Variants in RSF1 observed in about 807,000 individuals in gnomAD.
RSF1 encodes remodeling and spacing factor 1.
In RSF1, 13 loss-of-function variants were observed where a neutral mutation model predicts 145.2. The observed-to-expected ratio is 0.09, with a 90% CI of 0.06 to 0.14. RSF1 has a LOEUF of 0.14. Among genes scored for constraint, RSF1 ranks in the 10% least tolerant of loss-of-function variants. RSF1 has a pLI of 1.00. For synonymous variants in RSF1, 577 were observed against 592.6 expected, an observed-to-expected ratio of 0.97 and a Z score of 0.38; for missense variants, 1,517 against 1,718.2, an observed-to-expected ratio of 0.88 and a Z score of 2.07.
intron 1 of RSF1, among the ~76,000 whole-genome samples, chr11:77,767,207 C>T (rs1053113763): frequency 6.6e-6 from 1 of 152,088 alleles, no homozygotes; most frequent in African/African-American, 2.4e-5. Context: ...GTTTTAAAAC[C>T]AAGGTCACTT....
chr11:77,802,016 T>C (rs1948631123), intron 1 of RSF1, among the ~76,000 whole-genome samples: 1 of 151,792 alleles, frequency 6.6e-6, no homozygotes, highest in African/African-American at 2.4e-5. Flanking sequence ...ATAATAATAA[T>C]AATAATCCCT....
intron 2 of RSF1, among the ~76,000 whole-genome samples, chr11:77,761,099 G>A (rs1476915249): frequency 6.6e-6 from 1 of 151,960 alleles, no homozygotes; most frequent in Non-Finnish European, 1.5e-5. Flanking sequence ...ACCACGCCCA[G>A]CTAATTTTTT....
the RSF1 span, among the ~76,000 whole-genome samples, chr11:77,852,545 C>A: frequency 6.6e-6 from 1 of 152,166 alleles, no homozygotes; most frequent in East Asian, 1.9e-4. Flanking sequence ...TCCTCCAACA[C>A]TGGGGATTAC....
At chr11:77,723,270 A>G (rs1164974958) in intron 5 of RSF1, among the ~76,000 whole-genome samples, 1 of 152,192 alleles carries the variant, frequency 6.6e-6, no homozygotes, top group Non-Finnish European at 1.5e-5. Flanking sequence ...AGCCTGGGCA[A>G]CAGAGCAAGA....
At chr11:77,745,512 T>TTC (rs1947990630) in intron 3 of RSF1, among the ~76,000 whole-genome samples, 1 of 151,988 alleles carries the variant, frequency 6.6e-6, no homozygotes, top group Non-Finnish European at 1.5e-5. Flanking sequence ...CTTTTGGATT[T>TTC]TTTTTTAACA....
chr11:77,692,880 G>A (rs556772649), intron 8 of RSF1, among the ~76,000 whole-genome samples: 68 of 150,496 alleles, frequency 4.5e-4, no homozygotes, highest in African/African-American at 1.6e-3. Flanking sequence ...GTTTCACCAT[G>A]TTGGCCAGGA....
the RSF1 span, chr11:77,868,783 G>A: frequency 2.1e-4 from 50 of 239,238 alleles, no homozygotes; most frequent in Admixed American, 5.9e-4. Flanking sequence ...TACACAGTGT[G>A]CTTCTCTGGG....
At chr11:77,681,277 G>A (rs1484719723) in intron 11 of RSF1, among the ~76,000 whole-genome samples, 1 of 152,060 alleles carries the variant, frequency 6.6e-6, no homozygotes, top group African/African-American at 2.4e-5. Context: ...GGTAAACTAT[G>A]TATTTTCATA....
chr11:77,740,675 C>T (rs1246083157), intron 4 of RSF1, 56 bp downstream of exon 4: 21 of 1,494,632 alleles, frequency 1.4e-5, no homozygotes, highest in East Asian at 2.3e-5. Flanking sequence ...AGTTTTGAAA[C>T]GAGATCAATG....
chr11:77,740,856 G>A lies in RSF1; in HGVS notation c.453C>T (p.Leu151=). 1 of 1,614,130 alleles carries A rather than the reference G, an allele frequency of 6.2e-7. No individual in the cohort carries two copies. Among genetic ancestry groups the A allele is most frequent in the Non-Finnish European group, 8.5e-7 (1 of 1,179,970 alleles). Residue 151 remains leucine (L), a synonymous_variant, in exon 4 of 16, where the codon CTC becomes CTT. Coordinates refer to ENST00000308488, the MANE Select transcript of RSF1 (RefSeq NM_016578.4). Reference sequence around the variant, plus strand: ...CATCTTTGTCTCGACCAATTGGCTGGAGACGCATAGTATCGGCATCCTCCT... The same window carrying A: ...CATCTTTGTCTCGACCAATTGGCTGAAGACGCATAGTATCGGCATCCTCCT... ...INEEDADTMR[L]QPIGRDKDGL...
At chr11:77,681,121 T>G (rs767046555) in intron 11 of RSF1, among the ~76,000 whole-genome samples, 3 of 152,356 alleles carry the variant, frequency 2.0e-5, no homozygotes, top group African/African-American at 7.2e-5. Context: ...ATATCCCAGA[T>G]GCAGAGCTTC....
chr11:77,823,059 A>G (rs1286258491), upstream of RSF1, among the ~76,000 whole-genome samples: 2 of 151,942 alleles, frequency 1.3e-5, no homozygotes, highest in Non-Finnish European at 2.9e-5. Context: ...CTAAAAATAC[A>G]AAAAATTAGC....
chr11:77,774,617 T>G (rs188098261), intron 1 of RSF1, among the ~76,000 whole-genome samples: 15 of 120,432 alleles, frequency 1.2e-4, no homozygotes, highest in African/African-American at 2.6e-4. Context: ...AATAAATAAA[T>G]AAAATAAAGA....
rs775327516 is a variant in RSF1 at position 77,674,985 on chromosome 11, A to G, written c.3562+51T>C. 3.4e-6 allele frequency: 5 copies of G among 1,467,028 alleles called. No individual in the cohort carries two copies. The Admixed American group carries it at 1.1e-4, about 32-fold the overall frequency. 90.9% of individuals were successfully genotyped at this position (1,467,028 alleles called of 1,614,324 possible). A position where few individuals can be genotyped will look rare whatever the true frequency, so the allele number is the denominator to read the frequency against. On this transcript the variant is annotated intron_variant, in intron 14 of 15. Coordinates refer to ENST00000308488, the MANE Select transcript of RSF1 (RefSeq NM_016578.4). ...TTGCACTCCAGCATGAGCAACAAGA[A>G]AAACAAAAAATAATTTATTGAGCTA...
intron 9 of RSF1, among the ~76,000 whole-genome samples, chr11:77,687,657 G>C (rs1960045891): frequency 6.6e-6 from 1 of 152,040 alleles, no homozygotes; most frequent in African/African-American, 2.4e-5. Context: ...CAGTTATCGT[G>C]CCACTGCACT....
In RSF1 at chr11:77,669,029, T is replaced by C. The variant is rs112229752; in HGVS notation, c.3752-1538A>G. 5.4e-4 allele frequency among the ~76,000 whole-genome samples: 82 copies of C among 152,342 alleles called. 1 individual carries two copies. The highest frequency in any genetic ancestry group is 1.9e-3 in the African/African-American group (80 of 41,588). ...GCATCTCAAATGATGTGTCTAAAAC[T>C]GGGCTCCTAAACTTTCTCCTTAAAC... is the stretch of plus-strand genomic sequence containing the variant. On this transcript the variant is annotated intron_variant, in intron 15 of 15. Transcript: ENST00000308488.
intron 2 of RSF1, among the ~76,000 whole-genome samples, chr11:77,753,481 ACTG>A (rs1948084708): frequency 6.6e-6 from 1 of 152,210 alleles, no homozygotes; most frequent in South Asian, 2.1e-4. Flanking sequence ...AGGAGCCTGA[ACTG>A]GCTAAGGTGT....
chr11:77,709,559 C>CTT (rs1960631165), intron 5 of RSF1, among the ~76,000 whole-genome samples: 1 of 152,138 alleles, frequency 6.6e-6, no homozygotes, highest in South Asian at 2.1e-4. Flanking sequence ...TGTCAACAGA[C>CTT]TTAACAGTTT....
intron 1 of RSF1, among the ~76,000 whole-genome samples, chr11:77,818,650 A>G (rs538890042): frequency 3.9e-5 from 6 of 152,110 alleles, no homozygotes; most frequent in African/African-American, 1.2e-4. Flanking sequence ...TCGGTGGTGC[A>G]CACCTGTAAT....
Sources: gnomAD v4.1 joint callset for allele counts (sites outside exome capture counted in the v4.1 genomes callset) on GRCh38, gnomAD v4.1.1 for gene constraint, MANE v1.5 for transcripts, NCBI Gene and HGNC (gene_info 2026-07-23, HGNC 2026-07-21) for gene names.